Variants in RPH3AL observed in about 807,000 individuals in gnomAD.
The protein encoded by RPH3AL is rabphilin 3A like (without C2 domains).
In RPH3AL, 38 loss-of-function variants were observed where a neutral mutation model predicts 43.1. The ratio of observed to expected loss-of-function variants is 0.88; its 90% CI spans 0.68 to 1.15. RPH3AL has a LOEUF of 1.15. Among genes scored for constraint, RPH3AL ranks in the 50% most tolerant of loss-of-function variants. The probability of loss-of-function intolerance (pLI) is 0.00; values close to 1 mark genes in which losing one functional copy is unlikely to be tolerated. For synonymous variants in RPH3AL, 189 were observed against 176.3 expected (o/e 1.07, Z -0.57); for missense variants, 462 against 423.2 (o/e 1.09, Z -0.81).
intron 3 of RPH3AL, 179 bp from the exon 4 acceptor site, chr17:321,594 CAACAGAGACGGCCCAGGT>C: frequency 1.9e-6 from 1 of 524,266 alleles, no homozygotes; most frequent in Non-Finnish European, 3.1e-6. Flanking sequence ...GCCCAGGTGG[CAACAGAGACGGCCCAGGT>C]GGCAACAGAG....
At chr17:316,974 T>G (rs1282233776) in intron 5 of RPH3AL, among the ~76,000 whole-genome samples, 10 of 122,616 alleles carry the variant, frequency 8.2e-5, no homozygotes, top group Non-Finnish European at 1.7e-4. Flanking sequence ...CCCACCTCCA[T>G]TGACCTGTAG....
chr17:220,199 T>G (rs1195140710), intron 7 of RPH3AL, among the ~76,000 whole-genome samples: 1,246 of 134,644 alleles, frequency 9.3e-3, no homozygotes, highest in Non-Finnish European at 0.013. Context: ...CTCTGAGGCC[T>G]CCACTCACTG....
chr17:321,491 G>C (rs1319188903), intron 3 of RPH3AL, 76 bp from the exon 4 acceptor site: 5 of 1,437,504 alleles, frequency 3.5e-6, no homozygotes, highest in Non-Finnish European at 3.7e-6. Flanking sequence ...CATCCACCAA[G>C]CCCCCCCGAG....
intron 5 of RPH3AL, among the ~76,000 whole-genome samples, chr17:300,763 T>G (rs1303280725): frequency 1.6e-5 from 2 of 125,096 alleles, no homozygotes; most frequent in African/African-American, 3.5e-5. Flanking sequence ...GCCTGCAGAA[T>G]CTCTCACCCG....
chr17:222,466 A>G (rs1211177277), intron 7 of RPH3AL, among the ~76,000 whole-genome samples: 1 of 152,256 alleles, frequency 6.6e-6, no homozygotes, highest in African/African-American at 2.4e-5. Context: ...CTGGAATCCC[A>G]GCAAGGGGAG....
chr17:246,323 G>T lies in RPH3AL; in HGVS notation c.613+788C>A, dbSNP rs1004231190. On this transcript the variant is annotated intron_variant, in intron 7 of 9. Coordinates refer to ENST00000331302, the MANE Select transcript of RPH3AL (RefSeq NM_006987.4). This position sits in a 1 kb window ranked among gnomAD's most constrained non-coding sequence, Gnocchi z 4.8. ...CTCATCTAAGACCCTCAGACCCTGA[G>T]TATTTGGCAGAAACGTGAGCACTTC... Among the ~76,000 whole-genome samples, 5 of 152,056 alleles carry T rather than the reference G, an allele frequency of 3.3e-5. No individual in the cohort carries two copies. The highest frequency in any genetic ancestry group is 2.0e-4 in the Admixed American group (3 of 15,268).
At chr17:306,494 T>C (rs1249616580) in intron 5 of RPH3AL, 1 of 152,178 alleles carries the variant, frequency 6.6e-6, no homozygotes, top group Non-Finnish European at 1.5e-5. Flanking sequence ...AGCTGGGTGC[T>C]TGGTACCCCT....
intron 5 of RPH3AL, among the ~76,000 whole-genome samples, chr17:301,063 C>T (rs1037796151): frequency 7.2e-5 from 11 of 152,270 alleles, no homozygotes; most frequent in Non-Finnish European, 1.5e-4. Context: ...AGGGCAAGGC[C>T]TCAGGCCCAC....
intron 7 of RPH3AL, 37 bp downstream of exon 7, chr17:247,074 T>C (rs1555540286): frequency 1.9e-6 from 3 of 1,612,660 alleles, no homozygotes; most frequent in Admixed American, 1.7e-5. Context: ...ACCCAAACTT[T>C]ACAGGCCATC....
chr17:267,663 C>A (rs541692556), intron 6 of RPH3AL, among the ~76,000 whole-genome samples: 2 of 152,166 alleles, frequency 1.3e-5, no homozygotes, highest in South Asian at 4.2e-4. Context: ...TCATTTCCGA[C>A]GGGTCTTGTT....
intron 3 of RPH3AL, among the ~76,000 whole-genome samples, chr17:324,702 G>GCTAGCTAGCTAGCTAGCTAGCTAGCTAT (rs1301592247): frequency 1.7e-4 from 20 of 119,816 alleles, no homozygotes; most frequent in African/African-American, 5.7e-4. Flanking sequence ...TAGCTAGCTA[G>GCTAGCTAGCTAGCTAGCTAGCTAGCTAT]CTATGTACCT....
At chr17:259,332 A>G (rs1038638574) in intron 6 of RPH3AL, among the ~76,000 whole-genome samples, 1 of 152,210 alleles carries the variant, frequency 6.6e-6, no homozygotes, top group Non-Finnish European at 1.5e-5. Context: ...TGCCTTCCGC[A>G]GGGGAGAGCA....
rs1555540190 is a variant in RPH3AL at position 246,831 on chromosome 17, CTCATGGCA to C, written c.613+272_613+279del. On this transcript the variant is annotated intron_variant, in intron 7 of 9. Coordinates refer to ENST00000331302, the MANE Select transcript of RPH3AL (RefSeq NM_006987.4). This position sits in a 1 kb window ranked among gnomAD's most constrained non-coding sequence, Gnocchi z 4.8. The stretch of plus-strand genomic sequence containing the variant: ...ATTTCTGTGAAGATGCGTAGTGCTG[CTCATGGCA>C]TCCTTGCCCCCAGAGCAGTACTTGT... 6.6e-6 allele frequency among the ~76,000 whole-genome samples: 1 copy of C among 152,206 alleles called. No homozygotes were observed. The highest frequency in any genetic ancestry group is 1.5e-5 in the Non-Finnish European group (1 of 68,034).
In RPH3AL at chr17:245,885, C is replaced by T. The variant is rs569876882; in HGVS notation, c.613+1226G>A. On this transcript the variant is annotated intron_variant, in intron 7 of 9. Coordinates refer to ENST00000331302, the MANE Select transcript of RPH3AL (RefSeq NM_006987.4). This position sits in a 1 kb window ranked among gnomAD's most constrained non-coding sequence, Gnocchi z 5.9. ...CCCACGGTCCCCACCAATGTCTGTC[C>T]GTGGCAGCGATGTCGGGGGTGAACT... Among the ~76,000 whole-genome samples the T allele has an allele frequency of 5.3e-5, 8 of 152,222 alleles. No individual in the cohort carries two copies. The South Asian group carries it at 1.0e-3, about 20-fold the overall frequency.
intron 6 of RPH3AL, among the ~76,000 whole-genome samples, chr17:267,555 T>G (rs1040379064): frequency 2.0e-5 from 3 of 152,236 alleles, no homozygotes; most frequent in African/African-American, 7.2e-5. Context: ...AGTGAAACCC[T>G]GTCTGGGCTG....
chr17:262,625 G>A (rs2042227627), intron 6 of RPH3AL, among the ~76,000 whole-genome samples: 1 of 152,178 alleles, frequency 6.6e-6, no homozygotes, highest in African/African-American at 2.4e-5. Context: ...AGGAATTCAA[G>A]GCCAGCCTGG....
intron 6 of RPH3AL, among the ~76,000 whole-genome samples, chr17:273,090 C>T (rs1384739853): frequency 1.5e-5 from 2 of 132,826 alleles, no homozygotes; most frequent in Admixed American, 7.6e-5. Context: ...GAGACCCCAG[C>T]GAGGGTGACG....
At chr17:315,154 A>C (rs1279094172) in intron 5 of RPH3AL, among the ~76,000 whole-genome samples, 2 of 149,282 alleles carry the variant, frequency 1.3e-5, no homozygotes, top group African/African-American at 2.5e-5. Flanking sequence ...ATTGACCTGT[A>C]GTCCCTGTGC....
chr17:346,412 T>A (rs1354685274), intron 1 of RPH3AL, among the ~76,000 whole-genome samples: 1 of 135,052 alleles, frequency 7.4e-6, no homozygotes, highest in Admixed American at 7.2e-5. Flanking sequence ...AGCCTCACAA[T>A]CATGGTGGAA....
Sources: allele counts gnomAD v4.1 joint callset (sites outside exome capture counted in the v4.1 genomes callset), GRCh38; gene constraint gnomAD v4.1.1; non-coding constraint Gnocchi (gnomAD v3.1); transcripts MANE v1.5; gene names NCBI Gene and HGNC (gene_info 2026-07-23, HGNC 2026-07-21).